The following TEAD1 variants were observed in gnomAD, a reference collection of about 807,000 sequenced individuals.
TEAD1 encodes TEA domain transcription factor 1, also known as transcriptional enhancer factor TEF-1.
A neutral mutation model predicts 54.9 loss-of-function variants in TEAD1; 9 were observed. The observed-to-expected ratio is 0.16, with a 90% CI of 0.10 to 0.29. TEAD1 has a LOEUF of 0.29. Ranked by LOEUF, TEAD1 falls within the 10% of genes least tolerant of loss-of-function variation. The pLI, the probability that TEAD1 is intolerant of heterozygous loss-of-function variation, is 1.00. For missense variants in TEAD1, 387 were observed against 535.9 expected, an observed-to-expected ratio of 0.72 and a Z score of 2.74; for synonymous variants, 200 against 187.8, an observed-to-expected ratio of 1.07 and a Z score of -0.53.
chr11:12,859,944 G>A (rs1284883848), intron 3 of TEAD1, among the ~76,000 whole-genome samples: 2 of 152,190 alleles, frequency 1.3e-5, no homozygotes, highest in Non-Finnish European at 2.9e-5. Context: ...CATTAACAGA[G>A]GTAGAGTATT....
intron 2 of TEAD1, among the ~76,000 whole-genome samples, chr11:12,683,134 T>C (rs1421998414): frequency 6.6e-6 from 1 of 152,242 alleles, no homozygotes; most frequent in Non-Finnish European, 1.5e-5. Flanking sequence ...TTTATTTAGC[T>C]TGTATTTTCC....
Position 12,942,841 on chromosome 11 carries a change from C to CAAA in TEAD1, c.*5620_*5621insAAA. Reference sequence around the variant, plus strand: ...CCAAAGAGCACCATTCACAATTTGGCATTTTCAAAGAATGTTCCAGCCCTC... The same window carrying CAAA: ...CCAAAGAGCACCATTCACAATTTGGCAAAATTTTCAAAGAATGTTCCAGCCCTC... On this transcript the variant is annotated 3_prime_UTR_variant, in exon 13 of 13. Transcript: ENST00000527636. 1 of 152,128 alleles carries CAAA rather than the reference C, an allele frequency of 6.6e-6. No homozygotes were observed. The highest frequency in any genetic ancestry group is 1.5e-5 in the Non-Finnish European group (1 of 68,008). 9.4% of individuals were successfully genotyped at this position (152,128 alleles called of 1,614,324 possible).
Position 12,911,095 on chromosome 11 carries a change from A to G in TEAD1, c.873+8982A>G, listed in dbSNP as rs549510083. ...TTTTAAAGGAAGAAAAAGCAAGCCTACTTTTACTAACCATAGCAGATGTGA... is the reference window on the plus strand; with the variant it reads ...TTTTAAAGGAAGAAAAAGCAAGCCTGCTTTTACTAACCATAGCAGATGTGA... On this transcript the variant is annotated intron_variant, in intron 10 of 12. Coordinates refer to ENST00000527636, the MANE Select transcript of TEAD1 (RefSeq NM_021961.6). 6.6e-5 allele frequency among the ~76,000 whole-genome samples: 10 copies of G among 152,310 alleles called. No homozygotes were observed. In the South Asian group the frequency reaches 2.1e-3, roughly 32 times the overall value.
intron 3 of TEAD1, among the ~76,000 whole-genome samples, chr11:12,837,185 T>A (rs139564428): frequency 6.6e-6 from 1 of 152,316 alleles, no homozygotes; most frequent in African/African-American, 2.4e-5. Context: ...AAAGGGACGG[T>A]ATAATTGGTT....
intron 5 of TEAD1, chr11:12,865,109 G>C (rs925791945): frequency 1.1e-5 from 7 of 632,446 alleles, no homozygotes; most frequent in Non-Finnish European, 2.0e-5. Context: ...GTGTGTTTGC[G>C]TGTGTGTGTG....
chr11:12,934,492 G>A, intron 12 of TEAD1, among the ~76,000 whole-genome samples: 1 of 151,462 alleles, frequency 6.6e-6, no homozygotes, highest in Non-Finnish European at 1.5e-5. Context: ...GTATACATAT[G>A]TAACAAACCT....
At chr11:12,880,869 A>G in intron 6 of TEAD1, 136 bp from the exon 7 acceptor site, 2 of 995,274 alleles carry the variant, frequency 2.0e-6, no homozygotes, top group South Asian at 1.3e-5. Flanking sequence ...TGGTGACCGC[A>G]TTTGCACTCT....
intron 11 of TEAD1, among the ~76,000 whole-genome samples, chr11:12,926,477 C>CAAA (rs1326056006): frequency 6.6e-6 from 1 of 152,036 alleles, no homozygotes; most frequent in Non-Finnish European, 1.5e-5. Flanking sequence ...GAGGAAGAGT[C>CAAA]AAAAGTCACA....
chr11:12,711,612 G>A (rs867800013), intron 2 of TEAD1, among the ~76,000 whole-genome samples: 1 of 152,272 alleles, frequency 6.6e-6, no homozygotes, highest in African/African-American at 2.4e-5. Context: ...CCCTACATCT[G>A]GGAATGCAGT....
At chr11:12,773,192 G>A (rs1945347712) in intron 3 of TEAD1, among the ~76,000 whole-genome samples, 2 of 152,170 alleles carry the variant, frequency 1.3e-5, no homozygotes, top group African/African-American at 2.4e-5. Flanking sequence ...GGGCATCTGG[G>A]CTGATTCCAG....
intron 3 of TEAD1, among the ~76,000 whole-genome samples, chr11:12,792,355 TAAA>T (rs10630085): frequency 2.0e-5 from 2 of 98,658 alleles, no homozygotes; most frequent in Admixed American, 1.1e-4. Context: ...GGGAAAATAG[TAAA>T]AAAAAAAAAA....
At chr11:12,847,203 C>T (rs1022482819) in intron 3 of TEAD1, among the ~76,000 whole-genome samples, 1 of 149,366 alleles carries the variant, frequency 6.7e-6, no homozygotes, top group Non-Finnish European at 1.5e-5. Context: ...AGACTCAAGT[C>T]AACAGTAGCA....
intron 2 of TEAD1, among the ~76,000 whole-genome samples, chr11:12,691,850 C>T (rs901771463): frequency 5.3e-5 from 8 of 152,090 alleles, no homozygotes; most frequent in Middle Eastern, 3.4e-3. Context: ...TTGTTGGGTA[C>T]GTTTGTACTC....
intron 2 of TEAD1, among the ~76,000 whole-genome samples, chr11:12,750,152 G>A (rs1489746606): frequency 6.6e-6 from 1 of 152,216 alleles, no homozygotes; most frequent in Non-Finnish European, 1.5e-5. Context: ...GTCGGCATTA[G>A]TTGGTGTTTT....
intron 9 of TEAD1, among the ~76,000 whole-genome samples, chr11:12,899,628 T>C (rs955743309): frequency 5.9e-5 from 9 of 152,208 alleles, no homozygotes; most frequent in Non-Finnish European, 1.3e-4. Context: ...CTTTTAACCT[T>C]TTTAAAAATA....
At position 12,894,673 on chromosome 11, in the gene TEAD1, A is replaced by T. The variant is rs540475794; in HGVS notation, c.700-7267A>T. ...CCACTACCCTAGCACCGATGGTAAC[A>T]TCAGAACAGAATCGCCTTAATGAGT... On this transcript the variant is annotated intron_variant, in intron 9 of 12. Coordinates refer to ENST00000527636, the MANE Select transcript of TEAD1 (RefSeq NM_021961.6). Among the ~76,000 whole-genome samples, 3 of 152,348 alleles carry T rather than the reference A, an allele frequency of 2.0e-5. No homozygotes were observed. In the South Asian group the frequency reaches 6.2e-4, roughly 32 times the overall value.
intron 3 of TEAD1, among the ~76,000 whole-genome samples, chr11:12,858,779 TCA>T (rs1384272239): frequency 1.3e-5 from 2 of 152,144 alleles, no homozygotes; most frequent in Non-Finnish European, 2.9e-5. Context: ...CCTGTTGAAG[TCA>T]TAATTTTTAG....
At chr11:12,922,903 G>A (rs550093059) in intron 10 of TEAD1, 44 of 122,948 alleles carry the variant, frequency 3.6e-4, no homozygotes, top group African/African-American at 1.3e-3. Flanking sequence ...CAGCCTAGAC[G>A]ACAGGGCCAG....
At chr11:12,916,183 A>T (rs1948709222) in intron 10 of TEAD1, among the ~76,000 whole-genome samples, 1 of 152,102 alleles carries the variant, frequency 6.6e-6, no homozygotes, top group African/African-American at 2.4e-5. Flanking sequence ...ATTCTATAAC[A>T]TGTCTAATCA....
Sources: allele counts gnomAD v4.1 joint callset (sites outside exome capture counted in the v4.1 genomes callset), GRCh38; gene constraint gnomAD v4.1.1; transcripts MANE v1.5; gene names NCBI Gene and HGNC (gene_info 2026-07-23, HGNC 2026-07-21).